AFMID: variants seen among roughly 807,000 people sequenced by gnomAD.
The protein encoded by AFMID is kynurenine formamidase.
In AFMID, 39 loss-of-function variants were observed where a neutral mutation model predicts 47.5. The observed-to-expected ratio is 0.82, with a 90% CI of 0.64 to 1.07. AFMID has a LOEUF of 1.07. Among genes scored for constraint, AFMID ranks in the 50% least tolerant of loss-of-function variants. The pLI, the probability that AFMID is intolerant of heterozygous loss-of-function variation, is 0.00. For synonymous variants in AFMID, 130 were observed against 153.2 expected, an observed-to-expected ratio of 0.85 and a Z score of 1.12; for missense variants, 375 against 387.5, an observed-to-expected ratio of 0.97 and a Z score of 0.27.
At chr17:78,188,648 G>A (rs1480335991) in intron 1 of AFMID, among the ~76,000 whole-genome samples, 3 of 151,864 alleles carry the variant, frequency 2.0e-5, no homozygotes, top group Non-Finnish European at 2.9e-5. Flanking sequence ...CCAGGCTGGA[G>A]TGCAGTGGCG....
intron 1 of AFMID, among the ~76,000 whole-genome samples, chr17:78,189,432 A>G (rs112092214): frequency 6.6e-6 from 1 of 151,046 alleles, no homozygotes; most frequent in Non-Finnish European, 1.5e-5. Flanking sequence ...CATGTTGGCC[A>G]GGATGGTCTC....
rs144651202 is a variant in AFMID at position 78,189,587 on chromosome 17, T to C, written c.64-1383T>C. On this transcript the variant is annotated intron_variant, in intron 1 of 10. Transcript: ENST00000409257. The stretch of plus-strand genomic sequence containing the variant: ...AGGCTGGAGTGCAATGGCGCAATCT[T>C]GGCTCACTACAATCTCTGCTTCCTG... Among the ~76,000 whole-genome samples, 894 of 149,974 alleles carry C rather than the reference T, an allele frequency of 6.0e-3. 13 individuals are homozygous for C. The highest frequency in any genetic ancestry group is 0.021 in the African/African-American group (855 of 40,684).
At chr17:78,198,582 T>C (rs1231068544) in intron 2 of AFMID, among the ~76,000 whole-genome samples, 1 of 146,672 alleles carries the variant, frequency 6.8e-6, no homozygotes, top group African/African-American at 2.5e-5. Flanking sequence ...GAGGTTGGAG[T>C]GAGCGGAGAT....
At chr17:78,193,146 C>T (rs182046810) in intron 2 of AFMID, among the ~76,000 whole-genome samples, 2 of 151,670 alleles carry the variant, frequency 1.3e-5, no homozygotes, top group Admixed American at 6.6e-5. Flanking sequence ...CCGAGGCGGG[C>T]GGATCATGAG....
At chr17:78,195,800 A>C (rs756695719) in intron 2 of AFMID, among the ~76,000 whole-genome samples, 7 of 152,016 alleles carry the variant, frequency 4.6e-5, no homozygotes, top group Non-Finnish European at 1.0e-4. Context: ...CCGGCCTTGC[A>C]GTCCTGTTTT....
In AFMID at chr17:78,190,978, G is replaced by A. The variant is rs576783336; in HGVS notation, c.72G>A (p.Glu24=). ...PWKKMSAEEL[E]NQYCPSRWVV... Reference sequence around the variant, plus strand: ...ATGTTTGTGCCCTGCAGGAGCTGGAGAATCAGTACTGTCCCAGCCGATGGG... The same window carrying A: ...ATGTTTGTGCCCTGCAGGAGCTGGAAAATCAGTACTGTCCCAGCCGATGGG... The change falls in exon 2 of 11, where the codon GAG becomes GAA. Residue 24 remains glutamate, a synonymous_variant. Transcript: ENST00000409257. The A allele has an allele frequency of 4.3e-6, 7 of 1,613,726 alleles. No individual in the cohort carries two copies. The South Asian group carries it at 6.6e-5, about 15-fold the overall frequency.
intron 2 of AFMID, chr17:78,197,257 C>A: frequency 4.6e-6 from 7 of 1,521,636 alleles, no homozygotes; most frequent in Non-Finnish European, 6.2e-6. Context: ...TTGGCAAACC[C>A]CCATGGATGG....
In AFMID at chr17:78,207,619, CA is replaced by C. The variant is rs2076415543; in HGVS notation, c.*686del. On this transcript the variant is annotated 3_prime_UTR_variant, in exon 11 of 11. Coordinates refer to ENST00000409257, the MANE Select transcript of AFMID (RefSeq NM_001010982.5). ...TATTTAAATAGTTCATAAAGAAGCA[CA>C]AAAGAATATTATTTCATAACATGTA... 1.3e-5 allele frequency: 2 copies of C among 149,590 alleles called. No homozygotes were observed. The highest frequency in any genetic ancestry group is 4.5e-4 in the South Asian group (2 of 4,454). The allele number at this position is 149,590 out of a possible 1,614,324, so 9.3% of individuals were successfully genotyped here.
chr17:78,195,209 G>T (rs1328185597), intron 2 of AFMID, among the ~76,000 whole-genome samples: 28 of 148,878 alleles, frequency 1.9e-4, no homozygotes, highest in African/African-American at 6.2e-4. Flanking sequence ...TTTTTCTTTT[G>T]AGACAGGGAG....
At chr17:78,202,882 T>C (rs1025814692) in intron 4 of AFMID, 131 bp downstream of exon 4, 1 of 1,141,576 alleles carries the variant, frequency 8.8e-7, no homozygotes, top group Non-Finnish European at 1.3e-6. Flanking sequence ...CTCACAGCGC[T>C]GGAGAACGGA....
Position 78,206,064 on chromosome 17 carries a change from C to T in AFMID, c.885+14C>T, listed in dbSNP as rs1033568358. Reference sequence around the variant, plus strand: ...GTGCTCACCCAGGTGGGGCCTCATCCCTGGCAGCCCTTTCATGGTAGACAG... The same window carrying T: ...GTGCTCACCCAGGTGGGGCCTCATCTCTGGCAGCCCTTTCATGGTAGACAG... On this transcript the variant is annotated intron_variant, in intron 10 of 10. Coordinates refer to ENST00000409257, the MANE Select transcript of AFMID (RefSeq NM_001010982.5). 6.2e-7 allele frequency: 1 copy of T among 1,610,714 alleles called. No homozygotes were observed. The highest frequency in any genetic ancestry group is 1.7e-5 in the Admixed American group (1 of 59,942).
intron 10 of AFMID, 27 bp downstream of exon 10, chr17:78,206,077 T>C: frequency 6.2e-7 from 1 of 1,601,526 alleles, no homozygotes; most frequent in East Asian, 2.2e-5. Flanking sequence ...GGCAGCCCTT[T>C]CATGGTAGAC....
Position 78,205,684 on chromosome 17 carries a change from C to T in AFMID, c.726C>T (p.Val242=), listed in dbSNP as rs925216126. Residue 242 remains valine (V), a synonymous_variant, in exon 9 of 11, where the codon GTC becomes GTT. Coordinates refer to ENST00000409257, the MANE Select transcript of AFMID (RefSeq NM_001010982.5). ...PVDPTCRVLV[V]VGQFDSPEFH... is the part of the protein sequence containing the mutation. Reference sequence around the variant, plus strand: ...ACCCCACCTGCCGTGTGCTGGTGGTCGTGGGCCAGTTCGACTCCCCCGAAT... The same window carrying T: ...ACCCCACCTGCCGTGTGCTGGTGGTTGTGGGCCAGTTCGACTCCCCCGAAT... The T allele has an allele frequency of 2.0e-5, 32 of 1,612,948 alleles. No homozygotes were observed. Among genetic ancestry groups the T allele is most frequent in the Non-Finnish European group, 2.5e-5 (29 of 1,180,014 alleles).
intron 2 of AFMID, among the ~76,000 whole-genome samples, chr17:78,193,098 G>A (rs566134875): frequency 2.0e-5 from 3 of 151,928 alleles, no homozygotes; most frequent in East Asian, 1.9e-4. Context: ...GCAGCCAGGC[G>A]TGGTGGCTCA....
At chr17:78,200,361 G>A (rs930934626) in intron 2 of AFMID, among the ~76,000 whole-genome samples, 1 of 152,088 alleles carries the variant, frequency 6.6e-6, no homozygotes, top group African/African-American at 2.4e-5. Flanking sequence ...TACCATGTTG[G>A]CCGGGATGGT....
intron 1 of AFMID, among the ~76,000 whole-genome samples, chr17:78,187,960 C>CAAAAAAAAAAAAAAAAAAAAA (rs34018698): frequency 7.1e-5 from 4 of 56,678 alleles, no homozygotes; most frequent in African/African-American, 3.1e-4. Context: ...GACTTAGTCT[C>CAAAAAAAAAAAAAAAAAAAAA]AAAAAAAAAA....
chr17:78,192,076 G>A (rs2075983866), intron 2 of AFMID, among the ~76,000 whole-genome samples: 1 of 151,726 alleles, frequency 6.6e-6, no homozygotes, highest in South Asian at 2.1e-4. Context: ...TCGACTCACC[G>A]CTAACTTCGC....
rs113751018 is a variant in AFMID at position 78,193,975 on chromosome 17, C to A, written c.154+2915C>A. Among the ~76,000 whole-genome samples the A allele has an allele frequency of 2.1e-3, 264 of 128,220 alleles. 3 individuals carry two copies. In the South Asian group the frequency reaches 0.029, roughly 14 times the overall value. The allele number at this position is 128,220 out of a possible 152,430, so 84.1% of individuals were successfully genotyped here. A position where few individuals can be genotyped will look rare whatever the true frequency, so the allele number is the denominator to read the frequency against. Reference sequence around the variant, plus strand: ...TGGGCGACAGAGCGAGACTCCATCTCAAAAAAAAAAAAAAAAATTTAAAAA... The same window carrying A: ...TGGGCGACAGAGCGAGACTCCATCTAAAAAAAAAAAAAAAAAATTTAAAAA... On this transcript the variant is annotated intron_variant, in intron 2 of 10. Transcript: ENST00000409257.
At chr17:78,191,971 C>T (rs374649753) in intron 2 of AFMID, among the ~76,000 whole-genome samples, 1 of 151,822 alleles carries the variant, frequency 6.6e-6, no homozygotes, top group East Asian at 1.9e-4. Flanking sequence ...CAGGCATGAG[C>T]CATCGTGCCT....
Sources: gnomAD v4.1 joint callset for allele counts (sites outside exome capture counted in the v4.1 genomes callset) on GRCh38, gnomAD v4.1.1 for gene constraint, MANE v1.5 for transcripts, NCBI Gene and HGNC (gene_info 2026-07-23, HGNC 2026-07-21) for gene names.